The following TRIM55 variants were observed in gnomAD, a reference collection of about 807,000 sequenced individuals.
TRIM55 encodes tripartite motif-containing protein 55.
In TRIM55, 50 loss-of-function variants were observed where a neutral mutation model predicts 60.9. The observed-to-expected ratio is 0.82, with a 90% CI of 0.65 to 1.04. The LOEUF is 1.04. Among genes scored for constraint, TRIM55 ranks in the 50% least tolerant of loss-of-function variants. The pLI, the probability that TRIM55 is intolerant of heterozygous loss-of-function variation, is 0.00. For missense variants in TRIM55, 681 were observed against 666.9 expected (o/e 1.02, Z -0.23); for synonymous variants, 237 against 238.1 (o/e 1.00, Z 0.04).
At chr8:66,113,732 G>C in the TRIM55 span, 1 of 363,844 alleles carries the variant, frequency 2.7e-6, no homozygotes, top group Non-Finnish European at 5.5e-6. Context: ...GCATTGCCCG[G>C]GCCCCGAGTC....
intron 9 of TRIM55, among the ~76,000 whole-genome samples, chr8:66,170,801 A>G (rs917108345): frequency 2.6e-5 from 4 of 152,244 alleles, no homozygotes; most frequent in African/African-American, 4.8e-5. Flanking sequence ...TTCTGAGTAT[A>G]TACTCAAAAG....
chr8:66,128,305 C>T lies in TRIM55; in HGVS notation c.170C>T (p.Ala57Val). 6.2e-7 allele frequency: 1 copy of T among 1,600,318 alleles called. No individual in the cohort carries two copies. Among genetic ancestry groups the T allele is most frequent in the South Asian group, 1.1e-5 (1 of 89,502 alleles). ...CRKCASDIFQ[A>V]SNPYLPTRGG... The stretch of plus-strand genomic sequence containing the variant: ...TTTTTTCTTACTTGGCAAGAACAGG[C>T]CTCTAACCCGTATTTGCCCACAAGA... Residue 57 changes from alanine to valine, a missense_variant and splice_region_variant, in exon 2 of 10, where the codon GCC (alanine) becomes GTC (valine). Physicochemically the swap from Ala to Val is moderately conservative, Grantham distance 64 (BLOSUM62 0). Transcript: ENST00000315962.
intron 9 of TRIM55, among the ~76,000 whole-genome samples, chr8:66,172,369 A>T (rs1657909338): frequency 6.6e-6 from 1 of 152,204 alleles, no homozygotes; most frequent in African/African-American, 2.4e-5. Flanking sequence ...GACCAAGGAG[A>T]TGGTGCAATT....
chr8:66,161,151 C>A (rs1811028816), intron 9 of TRIM55, among the ~76,000 whole-genome samples: 1 of 151,892 alleles, frequency 6.6e-6, no homozygotes, highest in Admixed American at 6.6e-5. Context: ...TTTATAGTTT[C>A]AGGTCTTAGA....
At chr8:66,144,129 G>A (rs1387196451) in intron 4 of TRIM55, among the ~76,000 whole-genome samples, 1 of 152,094 alleles carries the variant, frequency 6.6e-6, no homozygotes, top group Non-Finnish European at 1.5e-5. Context: ...TTCCATGATG[G>A]CAACAGTTCA....
intron 2 of TRIM55, among the ~76,000 whole-genome samples, chr8:66,129,866 T>C (rs746285296): frequency 2.6e-5 from 4 of 152,224 alleles, no homozygotes; most frequent in Non-Finnish European, 5.9e-5. Flanking sequence ...AGAGTTTCAG[T>C]GCTAGTCCAG....
At chr8:66,152,124 G>T (rs1810462665) in intron 7 of TRIM55, among the ~76,000 whole-genome samples, 1 of 152,134 alleles carries the variant, frequency 6.6e-6, no homozygotes. Flanking sequence ...AGGGCATTAT[G>T]CACAGCAGAG....
chr8:66,115,037 A>G, the TRIM55 span: 2 of 153,970 alleles, frequency 1.3e-5, no homozygotes, highest in African/African-American at 4.8e-5. Flanking sequence ...GAACACAAAG[A>G]CTTTTCTGGT....
chr8:66,117,882 G>A, the TRIM55 span, among the ~76,000 whole-genome samples: 2 of 152,076 alleles, frequency 1.3e-5, no homozygotes, highest in African/African-American at 4.8e-5. Flanking sequence ...AGTGTTCAGA[G>A]GAGGCCGGGC....
chr8:66,145,884 C>T (rs1381610498), intron 4 of TRIM55, among the ~76,000 whole-genome samples: 1 of 152,158 alleles, frequency 6.6e-6, no homozygotes, highest in Non-Finnish European at 1.5e-5. Flanking sequence ...AATATGGGCC[C>T]AGCTGGGTGT....
upstream of TRIM55, among the ~76,000 whole-genome samples, chr8:66,124,063 C>G (rs1274255693): frequency 6.6e-6 from 1 of 152,128 alleles, no homozygotes; most frequent in South Asian, 2.1e-4. Flanking sequence ...ACTACATCGT[C>G]GGTTACTCAG....
intron 9 of TRIM55, among the ~76,000 whole-genome samples, chr8:66,159,550 T>C (rs1196182513): frequency 9.2e-5 from 14 of 152,230 alleles, no homozygotes; most frequent in South Asian, 2.1e-4. Context: ...CTTGAGTAAA[T>C]GAAGGAGTGG....
At chr8:66,126,528 T>C (rs746549800), upstream of TRIM55, among the ~76,000 whole-genome samples, 3 of 152,174 alleles carry the variant, frequency 2.0e-5, no homozygotes, top group Non-Finnish European at 1.5e-5. Context: ...TTTATGCATG[T>C]ATTTATTTAT....
chr8:66,127,221 C>T lies in TRIM55; in HGVS notation c.-48C>T. 1 of 1,563,346 alleles carries T rather than the reference C, an allele frequency of 6.4e-7. No individual in the cohort carries two copies. The highest frequency in any genetic ancestry group is 8.7e-7 in the Non-Finnish European group (1 of 1,145,918). On this transcript the variant is annotated 5_prime_UTR_variant, in exon 1 of 10. Coordinates refer to ENST00000315962, the MANE Select transcript of TRIM55 (RefSeq NM_184085.2). The stretch of plus-strand genomic sequence containing the variant: ...AATATCCAGGAAACACTTGCTGGAG[C>T]CACTCGCAGCACCCTTCCCTGGCAG...
intron 4 of TRIM55, among the ~76,000 whole-genome samples, chr8:66,148,863 A>T (rs143002981): frequency 0.031 from 4,662 of 152,314 alleles, 119 homozygotes; most frequent in Middle Eastern, 0.071. Context: ...GGCCTGGCCA[A>T]TGTGGTGAAA....
intron 4 of TRIM55, among the ~76,000 whole-genome samples, chr8:66,142,367 CT>C (rs1012602139): frequency 1.3e-5 from 2 of 152,196 alleles, no homozygotes; most frequent in African/African-American, 4.8e-5. Flanking sequence ...CGTTATTTAT[CT>C]AAGAGGCTTT....
Position 66,174,489 on chromosome 8 carries a change from C to T in TRIM55, c.1543C>T (p.Pro515Ser), listed in dbSNP as rs770789856. 2.0e-5 allele frequency: 32 copies of T among 1,611,722 alleles called. No homozygotes were observed. The highest frequency in any genetic ancestry group is 2.7e-5 in the Non-Finnish European group (32 of 1,179,412). The change falls in exon 10 of 10, where the codon CCC becomes TCC. Residue 515 changes from proline (P) to serine (S), a missense_variant. Transcript: ENST00000315962. Reference protein sequence around the residue: ...ATSQIGFEAPPLQGQAAAPAS... With the variant: ...ATSQIGFEAPSLQGQAAAPAS... ...ATTGCAGATTGGATTTGAGGCTCCTCCCCTCCAGGGACAGGCTGCAGCTCC... is the reference window on the plus strand; with the variant it reads ...ATTGCAGATTGGATTTGAGGCTCCTTCCCTCCAGGGACAGGCTGCAGCTCC...
chr8:66,152,686 C>A, intron 8 of TRIM55, 59 bp downstream of exon 8: 3 of 1,559,258 alleles, frequency 1.9e-6, no homozygotes, highest in Non-Finnish European at 2.6e-6. Flanking sequence ...TATGGAATAG[C>A]CTAAACAATT....
chr8:66,117,923 T>A, the TRIM55 span, among the ~76,000 whole-genome samples: 1 of 151,688 alleles, frequency 6.6e-6, no homozygotes, highest in Non-Finnish European at 1.5e-5. Flanking sequence ...TCCCAGCACT[T>A]TGGGAGGCCG....
Sources: allele counts gnomAD v4.1 joint callset (sites outside exome capture counted in the v4.1 genomes callset), GRCh38; gene constraint gnomAD v4.1.1; transcripts MANE v1.5; gene names NCBI Gene and HGNC (gene_info 2026-07-23, HGNC 2026-07-21).